DHRSX: variants seen among roughly 807,000 people sequenced by gnomAD.
DHRSX encodes the protein polyprenol dehydrogenase.
In DHRSX, 31 loss-of-function variants were observed where a neutral mutation model predicts 34.0. The observed-to-expected ratio is 0.91, with a 90% CI of 0.69 to 1.23. The LOEUF (loss-of-function observed/expected upper bound fraction) is 1.23, where lower values mean the gene tolerates loss of function less well. Ranked by LOEUF, DHRSX falls within the 50% of genes most tolerant of loss-of-function variation. The pLI, the probability that DHRSX is intolerant of heterozygous loss-of-function variation, is 0.00. For synonymous variants in DHRSX, 201 were observed against 183.8 expected (o/e 1.09, Z -0.76); for missense variants, 414 against 428.1 (o/e 0.97, Z 0.29).
intron 1 of DHRSX, among the ~76,000 whole-genome samples, chrX:2,449,834 G>A (rs2044191547): frequency 6.6e-6 from 1 of 152,040 alleles, no homozygotes; most frequent in Admixed American, 6.6e-5. Flanking sequence ...TAGAGATGGA[G>A]TTTGGCCATG....
intron 3 of DHRSX, among the ~76,000 whole-genome samples, chrX:2,332,270 G>A (rs1183948880): frequency 6.6e-6 from 1 of 152,184 alleles, no homozygotes; most frequent in Non-Finnish European, 1.5e-5. Flanking sequence ...AATGGGTCCT[G>A]TGAAGCTCAA....
At chrX:2,464,638 T>C (rs1387642552) in intron 1 of DHRSX, among the ~76,000 whole-genome samples, 1 of 151,414 alleles carries the variant, frequency 6.6e-6, no homozygotes, top group African/African-American at 2.4e-5. Flanking sequence ...CCTAAGTATG[T>C]GGCTAAGGGA....
At chrX:2,314,415 A>AAGGAAGGAAGGGGAGAAGAG (rs2042210393) in intron 3 of DHRSX, among the ~76,000 whole-genome samples, 1 of 91,942 alleles carries the variant, frequency 1.1e-5, no homozygotes, top group Non-Finnish European at 1.9e-5. Context: ...GAAGGGAGGG[A>AAGGAAGGAAGGGGAGAAGAG]AGGAAGGAAG....
intron 5 of DHRSX, among the ~76,000 whole-genome samples, chrX:2,246,652 G>GAAAGAAAGA (rs200424766): frequency 1.2e-4 from 15 of 120,968 alleles, no homozygotes; most frequent in South Asian, 2.6e-4. Flanking sequence ...CAGAAAGAGA[G>GAAAGAAAGA]AAAGAAAGAA....
chrX:2,357,245 G>A (rs1277464307), intron 3 of DHRSX, among the ~76,000 whole-genome samples: 7 of 151,110 alleles, frequency 4.6e-5, no homozygotes, highest in South Asian at 2.1e-4. Flanking sequence ...ACTCTGTCTC[G>A]AAAAAGAAAA....
intron 3 of DHRSX, 105 bp from the exon 4 acceptor site, chrX:2,291,708 A>T: frequency 1.3e-6 from 1 of 784,644 alleles, no homozygotes; most frequent in South Asian, 1.5e-5. Context: ...AGGAAGTAAC[A>T]CTTTTTTTTT....
intron 1 of DHRSX, among the ~76,000 whole-genome samples, chrX:2,470,159 C>G (rs891743437): frequency 2.0e-5 from 3 of 150,434 alleles, no homozygotes; most frequent in Non-Finnish European, 4.4e-5. Context: ...GAGACAAATA[C>G]TGTATCATCT....
rs540412355 is a variant in DHRSX, at chrX:2,275,152, T to G, written c.389-8205A>C. 3.7e-4 allele frequency among the ~76,000 whole-genome samples: 57 copies of G among 152,194 alleles called. No homozygotes were observed. The Middle Eastern group carries it at 0.02, about 54-fold the overall frequency. On this transcript the variant is annotated intron_variant, in intron 4 of 6. Coordinates refer to ENST00000334651, the MANE Select transcript of DHRSX (RefSeq NM_145177.3). ...TTTTCGGCATCAGTAAAATTCTATT[T>G]ATTTATTTTTGTCAAGTTATTATTT...
intron 3 of DHRSX, among the ~76,000 whole-genome samples, chrX:2,319,899 G>A (rs1344465283): frequency 1.3e-5 from 2 of 152,032 alleles, no homozygotes; most frequent in African/African-American, 2.4e-5. Flanking sequence ...CGTGATCTCA[G>A]CTCACTGCAA....
At chrX:2,422,325 C>T (rs5982565) in intron 2 of DHRSX, among the ~76,000 whole-genome samples, 17,999 of 151,174 alleles carry the variant, frequency 0.12, 1,255 homozygotes, top group Middle Eastern at 0.2. Context: ...TGCAGTGGCG[C>T]GATCTCGGTT....
chrX:2,366,452 GAAAAGAAAAGA>G (rs1453474131), intron 3 of DHRSX, among the ~76,000 whole-genome samples: 2 of 150,966 alleles, frequency 1.3e-5, no homozygotes, highest in Non-Finnish European at 3.0e-5. Flanking sequence ...AAAAAAAAAA[GAAAAGAAAAGA>G]AAAAGAAAAT....
chrX:2,351,377 T>C (rs2042787052), intron 3 of DHRSX, among the ~76,000 whole-genome samples: 1 of 152,196 alleles, frequency 6.6e-6, no homozygotes, highest in African/African-American at 2.4e-5. Context: ...GTGGACTAAG[T>C]CTTTAAATAA....
At chrX:2,294,320 GA>G (rs1380750621) in intron 3 of DHRSX, among the ~76,000 whole-genome samples, 1 of 152,082 alleles carries the variant, frequency 6.6e-6, no homozygotes, top group Non-Finnish European at 1.5e-5. Context: ...AAGGCAGGCA[GA>G]TCACGTGAGG....
At chrX:2,495,843 C>T (rs1461550245) in intron 1 of DHRSX, among the ~76,000 whole-genome samples, 1 of 152,096 alleles carries the variant, frequency 6.6e-6, no homozygotes, top group Non-Finnish European at 1.5e-5. Flanking sequence ...TTTCCAATTG[C>T]ACATCCATGA....
intron 3 of DHRSX, among the ~76,000 whole-genome samples, chrX:2,316,037 T>G (rs1485998505): frequency 6.6e-6 from 1 of 152,122 alleles, no homozygotes; most frequent in Admixed American, 6.6e-5. Flanking sequence ...AATTTTTGTC[T>G]TTTTAGTAGA....
chrX:2,488,889 C>G (rs749153461), intron 1 of DHRSX: 1 of 1,610,322 alleles, frequency 6.2e-7, no homozygotes, highest in South Asian at 1.1e-5. Flanking sequence ...GTGGCCGTCA[C>G]GCACCAGTAC....
chrX:2,301,872 G>C lies in DHRSX; in HGVS notation c.287-10269C>G, dbSNP rs753251877. Among the ~76,000 whole-genome samples, 44 of 152,160 alleles carry C rather than the reference G, an allele frequency of 2.9e-4. 1 individual carries two copies. Among genetic ancestry groups the C allele is most frequent in the Admixed American group, 2.9e-3 (44 of 15,274 alleles). On this transcript the variant is annotated intron_variant, in intron 3 of 6. Transcript: ENST00000334651. ...AGGCTGTTCTTGAACTCCGGACCTT[G>C]TGATCTGCCCGCCTCGGCCTCCCAA...
At chrX:2,421,000 C>T (rs1452147974) in intron 2 of DHRSX, among the ~76,000 whole-genome samples, 2 of 152,144 alleles carry the variant, frequency 1.3e-5, no homozygotes, top group South Asian at 2.1e-4. Context: ...AAACAGTACA[C>T]ATCTCTGTAT....
intron 3 of DHRSX, among the ~76,000 whole-genome samples, chrX:2,311,100 A>G (rs958961486): frequency 1.3e-5 from 2 of 151,574 alleles, no homozygotes; most frequent in African/African-American, 2.4e-5. Flanking sequence ...AGAGAGACAC[A>G]GAAACTGAGA....
Sources: gnomAD v4.1 joint callset for allele counts (sites outside exome capture counted in the v4.1 genomes callset) on GRCh38, gnomAD v4.1.1 for gene constraint, MANE v1.5 for transcripts, NCBI Gene and HGNC (gene_info 2026-07-23, HGNC 2026-07-21) for gene names.